The following NPHP3 variants were observed in gnomAD, a reference collection of about 807,000 sequenced individuals.
NPHP3 encodes the protein nephrocystin 3, also known as nephrocystin-3.
NPHP3 carries 123 observed loss-of-function variants against 171.9 expected under a neutral mutation model. The observed-to-expected ratio is 0.72, with a 90% CI of 0.62 to 0.83. NPHP3 has a LOEUF of 0.83. Among genes scored for constraint, NPHP3 ranks in the 40% least tolerant of loss-of-function variants. NPHP3 has a pLI of 0.00. For missense variants in NPHP3, 1,506 were observed against 1,591.9 expected (o/e 0.95, Z 0.92); for synonymous variants, 558 against 579.2 (o/e 0.96, Z 0.52).
rs566284231 is a variant in NPHP3 at position 132,696,358 on chromosome 3, T to C, written c.2171+373A>G. Among the ~76,000 whole-genome samples, 8 of 152,290 alleles carry C rather than the reference T, an allele frequency of 5.3e-5. No homozygotes were observed. In the South Asian group the frequency reaches 1.7e-3, roughly 32 times the overall value. Reference sequence around the variant, plus strand: ...TATCAGGACTTGAGAACAGAGACAATTAAAAATTCATATCCATATATCTAC... The same window carrying C: ...TATCAGGACTTGAGAACAGAGACAACTAAAAATTCATATCCATATATCTAC... On this transcript the variant is annotated intron_variant, in intron 15 of 26. Coordinates refer to ENST00000337331, the MANE Select transcript of NPHP3 (RefSeq NM_153240.5).
rs778929337 is a variant in NPHP3 at position 132,699,265 on chromosome 3, G to A, written c.1985+88C>T. 3.5e-5 allele frequency: 32 copies of A among 902,450 alleles called. No individual in the cohort carries two copies. In the East Asian group the frequency reaches 6.8e-4, roughly 19 times the overall value. 55.9% of individuals were successfully genotyped at this position (902,450 alleles called of 1,614,324 possible). A position where few individuals can be genotyped will look rare whatever the true frequency, so the allele number is the denominator to read the frequency against. On this transcript the variant is annotated intron_variant, in intron 13 of 26. Coordinates refer to ENST00000337331, the MANE Select transcript of NPHP3 (RefSeq NM_153240.5). The stretch of plus-strand genomic sequence containing the variant: ...TCACTGCAAGTTACATAAAAAATGT[G>A]AAAACCATAAATGCATATTAAAAAT...
intron 21 of NPHP3, 64 bp downstream of exon 21, chr3:132,688,586 T>C (rs1939219619): frequency 2.6e-6 from 4 of 1,557,236 alleles, no homozygotes; most frequent in Admixed American, 3.3e-5. Flanking sequence ...GCTTACCCTA[T>C]AAGTACACTA....
intron 4 of NPHP3, 125 bp downstream of exon 4, chr3:132,716,632 C>T: frequency 9.7e-7 from 1 of 1,031,486 alleles, no homozygotes; most frequent in Non-Finnish European, 1.5e-6. Context: ...GATGGTTTGT[C>T]AATGGAAAGC....
Position 132,681,733 on chromosome 3 carries a change from A to G in NPHP3, c.*177T>C. 1.6e-6 allele frequency: 1 copy of G among 644,080 alleles called. No homozygotes were observed. The highest frequency in any genetic ancestry group is 2.8e-6 in the Non-Finnish European group (1 of 363,576). 39.9% of individuals were successfully genotyped at this position (644,080 alleles called of 1,614,324 possible). ...AGGAAAATTCTTTTAAACAACTAAA[A>G]CAGACATAATCACAATTCCAACTTA... On this transcript the variant is annotated 3_prime_UTR_variant, in exon 27 of 27. Coordinates refer to ENST00000337331, the MANE Select transcript of NPHP3 (RefSeq NM_153240.5).
chr3:132,706,546 T>G (rs1464053620), intron 7 of NPHP3, among the ~76,000 whole-genome samples: 1 of 152,156 alleles, frequency 6.6e-6, no homozygotes, highest in Non-Finnish European at 1.5e-5. Flanking sequence ...GTATACTATG[T>G]AGTCTCACTG....
intron 18 of NPHP3, among the ~76,000 whole-genome samples, 193 bp from the exon 19 acceptor site, chr3:132,690,843 A>G (rs1240750790): frequency 6.6e-6 from 1 of 152,204 alleles, no homozygotes; most frequent in Non-Finnish European, 1.5e-5. Flanking sequence ...AGTGATATGC[A>G]GAACCATCAA....
intron 8 of NPHP3, among the ~76,000 whole-genome samples, chr3:132,705,287 C>T (rs1939716461): frequency 6.6e-6 from 1 of 152,108 alleles, no homozygotes; most frequent in Non-Finnish European, 1.5e-5. Flanking sequence ...TTCATAGAGA[C>T]TTCCAGCTCA....
At chr3:132,702,338 G>C (rs1939634422) in intron 9 of NPHP3, among the ~76,000 whole-genome samples, 2 of 152,042 alleles carry the variant, frequency 1.3e-5, no homozygotes, top group Admixed American at 1.3e-4. Flanking sequence ...TGGGGACTTG[G>C]AGTCTCCCAA....
chr3:132,703,203 T>C (rs543662376), intron 9 of NPHP3, among the ~76,000 whole-genome samples: 29 of 152,268 alleles, frequency 1.9e-4, no homozygotes, highest in African/African-American at 7.0e-4. Context: ...AAAGTCAAAG[T>C]TTAGAGTGGC....
In NPHP3 at chr3:132,688,518, T is replaced by C. The variant is rs1253504752; in HGVS notation, c.3125+132A>G. ...TGAATCTTATAGTTCTCATTTTCTC[T>C]GTTTACCACATGAAGACTAGGCACA... On this transcript the variant is annotated intron_variant, in intron 21 of 26. Coordinates refer to ENST00000337331, the MANE Select transcript of NPHP3 (RefSeq NM_153240.5). 3 of 953,960 alleles carry C rather than the reference T, an allele frequency of 3.1e-6. No homozygotes were observed. The African/African-American group carries it at 4.8e-5, about 15-fold the overall frequency. The allele number at this position is 953,960 out of a possible 1,614,324, so 59.1% of individuals were successfully genotyped here.
rs1560006899 is a variant in NPHP3 at position 132,697,511 on chromosome 3, GT to G, written c.1986-150del. On this transcript the variant is annotated intron_variant, in intron 13 of 26. Coordinates refer to ENST00000337331, the MANE Select transcript of NPHP3 (RefSeq NM_153240.5). ...AACTAATGTCTATTAATCATATTAA[GT>G]AATTAATATATCTTATTCTAATATG... 4 of 590,592 alleles carry G rather than the reference GT, an allele frequency of 6.8e-6. No individual in the cohort carries two copies. The African/African-American group carries it at 7.8e-5, about 11-fold the overall frequency. The allele number at this position is 590,592 out of a possible 1,614,324, so 36.6% of individuals were successfully genotyped here.
At chr3:132,701,605 T>C (rs1418617505) in intron 9 of NPHP3, 72 bp from the exon 10 acceptor site, 6 of 967,876 alleles carry the variant, frequency 6.2e-6, no homozygotes, top group Non-Finnish European at 8.3e-6. Context: ...CAACTTCTGA[T>C]TATTCTTTGA....
chr3:132,714,667 T>A (rs1213358215), intron 5 of NPHP3, among the ~76,000 whole-genome samples: 1 of 152,108 alleles, frequency 6.6e-6, no homozygotes, highest in East Asian at 1.9e-4. Context: ...AGTTTTAGGC[T>A]ACAGTGAGCT....
chr3:132,698,317 G>A (rs926976038), intron 13 of NPHP3, among the ~76,000 whole-genome samples: 5 of 151,822 alleles, frequency 3.3e-5, no homozygotes, highest in Admixed American at 6.6e-5. Context: ...CACTCTTGTC[G>A]TCCAGGCTGC....
intron 3 of NPHP3, chr3:132,717,885 G>A (rs1216146527): frequency 4.3e-6 from 1 of 233,706 alleles, no homozygotes; most frequent in African/African-American, 2.4e-5. Context: ...AGCCTCCCGA[G>A]TAGCTGGGAC....
chr3:132,709,836 A>G (rs1025657814), intron 6 of NPHP3, among the ~76,000 whole-genome samples: 1 of 152,232 alleles, frequency 6.6e-6, no homozygotes, highest in Admixed American at 6.5e-5. Context: ...GAAGTTTTCT[A>G]TATTAAAATC....
At chr3:132,714,568 A>AT (rs112404983) in intron 5 of NPHP3, among the ~76,000 whole-genome samples, 3,654 of 105,042 alleles carry the variant, frequency 0.035, 155 homozygotes, top group African/African-American at 0.1. Context: ...AAAAAAAAAT[A>AT]AATAAATTAA....
intron 8 of NPHP3, among the ~76,000 whole-genome samples, chr3:132,705,202 T>C (rs1043673478): frequency 2.0e-5 from 3 of 152,088 alleles, no homozygotes; most frequent in Non-Finnish European, 4.4e-5. Flanking sequence ...AATTTTTTTA[T>C]ATTAAACACA....
chr3:132,691,411 T>A, intron 17 of NPHP3, 125 bp from the exon 18 acceptor site: 2 of 683,438 alleles, frequency 2.9e-6, no homozygotes, highest in Non-Finnish European at 5.2e-6. Context: ...AAATGTCACT[T>A]AAATGTTTTT....
Sources: gnomAD v4.1 joint callset for allele counts (sites outside exome capture counted in the v4.1 genomes callset) on GRCh38, gnomAD v4.1.1 for gene constraint, MANE v1.5 for transcripts, NCBI Gene and HGNC (gene_info 2026-07-23, HGNC 2026-07-21) for gene names.